VAC14: variants seen among roughly 807,000 people sequenced by gnomAD.
VAC14 encodes protein VAC14 homolog.
VAC14 carries 47 observed loss-of-function variants against 85.3 expected under a neutral mutation model. The observed-to-expected ratio is 0.55, with a 90% confidence interval of 0.44 to 0.70. VAC14 has a LOEUF of 0.70. Ranked by LOEUF, VAC14 falls within the 30% of genes least tolerant of loss-of-function variation. The pLI is 0.00. For synonymous variants in VAC14, 447 were observed against 430.5 expected (o/e 1.04, Z -0.47); for missense variants, 861 against 1,004.3 (o/e 0.86, Z 1.93).
At chr16:70,713,153 A>G (rs200516084) in intron 14 of VAC14, among the ~76,000 whole-genome samples, 2 of 152,244 alleles carry the variant, frequency 1.3e-5, no homozygotes, top group Non-Finnish European at 2.9e-5. Context: ...CAAGCACGAA[A>G]AAAAAGGCCT....
At position 70,688,612 on chromosome 16, in the gene VAC14, C is replaced by T. The variant is rs370537012; in HGVS notation, c.2187-522G>A. The T allele has an allele frequency of 8.1e-6, 8 of 985,496 alleles. No homozygotes were observed. The African/African-American group carries it at 1.0e-4, about 13-fold the overall frequency. The allele number at this position is 985,496 out of a possible 1,614,324, so 61.0% of individuals were successfully genotyped here. On this transcript the variant is annotated intron_variant, in intron 18 of 18. Coordinates refer to ENST00000261776, the MANE Select transcript of VAC14 (RefSeq NM_018052.5). ...GTTGGGGCCCCAAGGCCTGCAGTCA[C>T]TCACTGTCCCTGGGAGGAGGAATGC...
intron 12 of VAC14, among the ~76,000 whole-genome samples, chr16:70,745,772 C>T (rs2030832101): frequency 6.6e-6 from 1 of 152,192 alleles, no homozygotes; most frequent in Non-Finnish European, 1.5e-5. Flanking sequence ...GGGTGGTTGC[C>T]TGTGCCTCTT....
At position 70,724,756 on chromosome 16, in the gene VAC14, C is replaced by T. The variant is rs182385602; in HGVS notation, c.1661+6739G>A. Among the ~76,000 whole-genome samples the T allele has an allele frequency of 2.8e-4, 43 of 152,352 alleles. 1 individual carries two copies. In the East Asian group the frequency reaches 7.3e-3, roughly 26 times the overall value. ...CAGAAGATTCACACAAGGAGCTGGA[C>T]AGACAACTCAAGCCAGCAAGAAGAG... On this transcript the variant is annotated intron_variant, in intron 14 of 18. Transcript: ENST00000261776.
chr16:70,720,518 G>C (rs117585990), intron 14 of VAC14, among the ~76,000 whole-genome samples: 7 of 152,282 alleles, frequency 4.6e-5, no homozygotes, highest in African/African-American at 1.4e-4. Flanking sequence ...ACAGTGTCTC[G>C]GGCACGGTGG....
chr16:70,689,863 T>C (rs990533866), intron 18 of VAC14: 3 of 985,526 alleles, frequency 3.0e-6, no homozygotes, highest in Non-Finnish European at 2.4e-6. Flanking sequence ...AGAGAGCAGC[T>C]TGGACTTCTA....
rs912106842 is a variant in VAC14, at chr16:70,719,358, G to A, written c.1661+12137C>T. 6.5e-4 allele frequency among the ~76,000 whole-genome samples: 99 copies of A among 152,116 alleles called. 2 individuals carry two copies. Among genetic ancestry groups the A allele is most frequent in the Non-Finnish European group, 7.4e-5 (5 of 68,010 alleles). The stretch of plus-strand genomic sequence containing the variant: ...TCACAAAACAAAAAAAATGCTAACT[G>A]TAAAGAAAAATTGATTACCTGGACT... On this transcript the variant is annotated intron_variant, in intron 14 of 18. Transcript: ENST00000261776.
At position 70,785,796 on chromosome 16, in the gene VAC14, C is replaced by T. The variant is rs747220175; in HGVS notation, c.329G>A (p.Arg110His). The change falls in exon 3 of 19, where the codon CGC becomes CAC. Residue 110 changes from arginine to histidine, a missense_variant. Physicochemically the swap from Arg to His is conservative, Grantham distance 29. Transcript: ENST00000261776. ...TCFNDADSRL[R>H]YYACEALYNI... The stretch of plus-strand genomic sequence containing the variant: ...GTAGAGGGCCTCGCAGGCATAGTAG[C>T]GCAGCCTGCTGTCTGCATCATTGAA... 6.3e-5 allele frequency: 100 copies of T among 1,596,424 alleles called. No individual in the cohort carries two copies. The highest frequency in any genetic ancestry group is 7.9e-5 in the Non-Finnish European group (92 of 1,170,260).
chr16:70,800,343 T>C (rs2034725517), intron 1 of VAC14, among the ~76,000 whole-genome samples: 1 of 152,194 alleles, frequency 6.6e-6, no homozygotes, highest in Admixed American at 6.5e-5. Context: ...TTTTCCGACC[T>C]GATTTCTCTA....
In VAC14 at chr16:70,791,324, T is replaced by C. The variant is rs2034328751; in HGVS notation, c.105-4959A>G. Among the ~76,000 whole-genome samples the C allele has an allele frequency of 2.0e-5, 3 of 152,258 alleles. No individual in the cohort carries two copies. In the South Asian group the frequency reaches 6.2e-4, roughly 32 times the overall value. On this transcript the variant is annotated intron_variant, in intron 1 of 18. Transcript: ENST00000261776. ...CCCTCATTCTGTGCCCAGCAACATG[T>C]TGTCGAATGTCAGCAGGTAAATTCC...
intron 14 of VAC14, among the ~76,000 whole-genome samples, chr16:70,730,257 G>A (rs540209764): frequency 6.6e-6 from 1 of 151,838 alleles, no homozygotes; most frequent in African/African-American, 2.4e-5. Flanking sequence ...CAACCCATTC[G>A]CCCCAGCAAC....
In VAC14 at chr16:70,739,674, G is replaced by A. The variant is rs534988817; in HGVS notation, c.1528+4749C>T. Among the ~76,000 whole-genome samples the A allele has an allele frequency of 8.5e-5, 13 of 152,310 alleles. No individual in the cohort carries two copies. The East Asian group carries it at 1.2e-3, about 14-fold the overall frequency. On this transcript the variant is annotated intron_variant, in intron 13 of 18. Coordinates refer to ENST00000261776, the MANE Select transcript of VAC14 (RefSeq NM_018052.5). The stretch of plus-strand genomic sequence containing the variant: ...AGGGGCTCACCCAAAAAGCCAGCAC[G>A]CGTGAGTGCTCAGAGCAGGGCAGGG...
rs114139915 is a variant in VAC14 at position 70,773,088 on chromosome 16, T to C, written c.1097-916A>G. The C allele has an allele frequency of 3.3e-3, 504 of 152,296 alleles. 3 individuals are homozygous for C. Among genetic ancestry groups the C allele is most frequent in the African/African-American group, 0.011 (475 of 41,560 alleles). The allele number at this position is 152,296 out of a possible 1,614,324, so 9.4% of individuals were successfully genotyped here. On this transcript the variant is annotated intron_variant, in intron 9 of 18. Transcript: ENST00000261776. ...CTGGAGGAGACGGGGGAATAGGGTA[T>C]AATGGCTAATGGATTCTTTCAAGGG...
intron 13 of VAC14, among the ~76,000 whole-genome samples, chr16:70,742,803 T>C (rs1468592013): frequency 2.0e-5 from 3 of 152,258 alleles, no homozygotes; most frequent in Admixed American, 6.5e-5. Context: ...GGCGGGAGGC[T>C]GAGGCTGTAA....
chr16:70,694,724 G>A (rs1052457931), intron 17 of VAC14, among the ~76,000 whole-genome samples: 6 of 152,238 alleles, frequency 3.9e-5, no homozygotes, highest in African/African-American at 1.2e-4. Context: ...TGTATGTTGA[G>A]GTGCTGAGAG....
chr16:70,797,394 T>C (rs1342865257), intron 1 of VAC14, among the ~76,000 whole-genome samples: 1 of 152,184 alleles, frequency 6.6e-6, no homozygotes, highest in Non-Finnish European at 1.5e-5. Flanking sequence ...TAATTCCCCC[T>C]TGCTGTGTAA....
rs1265850462 is a variant in VAC14, at chr16:70,737,650, G to A, written c.1529-6023C>T. On this transcript the variant is annotated intron_variant, in intron 13 of 18. Transcript: ENST00000261776. ...CCACACAGAAACCCAGGCTGGCGGGGTGGGCGGCCGGGGAGCCAGCCCTGC... is the reference window on the plus strand; with the variant it reads ...CCACACAGAAACCCAGGCTGGCGGGATGGGCGGCCGGGGAGCCAGCCCTGC... Among the ~76,000 whole-genome samples the A allele has an allele frequency of 2.0e-5, 3 of 152,216 alleles. No individual in the cohort carries two copies. In the East Asian group the frequency reaches 5.8e-4, roughly 29 times the overall value.
chr16:70,762,985 C>A lies in VAC14; in HGVS notation c.1201G>T (p.Val401Leu). The A allele has an allele frequency of 5.0e-6, 8 of 1,614,172 alleles. No homozygotes were observed. The highest frequency in any genetic ancestry group is 6.8e-6 in the Non-Finnish European group (8 of 1,180,034). Residue 401 changes from valine to leucine, a missense_variant, in exon 11 of 19, where the codon GTG becomes TTG. By Grantham distance (32) the Val-to-Leu change is conservative. Coordinates refer to ENST00000261776, the MANE Select transcript of VAC14 (RefSeq NM_018052.5). The surrounding 1 kb of genome is among the most constrained non-coding windows in gnomAD (Gnocchi z 4.1). ...CTGAGGTGGCAGTTTAGGACCTGCA[C>A]GATCCCGTCGAGGTGAAGGGTCACT... ...APVTLHLDGI[V>L]QVLNCHLSDT...
intron 14 of VAC14, chr16:70,700,118 G>C (rs2053794750): frequency 6.6e-6 from 1 of 152,180 alleles, no homozygotes; most frequent in African/African-American, 2.4e-5. Flanking sequence ...AAATGCCCCT[G>C]AACGCCAGCC....
At chr16:70,782,966 C>T in intron 7 of VAC14, 67 bp downstream of exon 7, 1 of 1,419,820 alleles carries the variant, frequency 7.0e-7, no homozygotes, top group Non-Finnish European at 9.8e-7. Context: ...GTGAAAGGGG[C>T]TTCTGCAGAG....
Sources: gnomAD v4.1 joint callset for allele counts (sites outside exome capture counted in the v4.1 genomes callset) on GRCh38, gnomAD v4.1.1 for gene constraint, Gnocchi (gnomAD v3.1) non-coding constraint, MANE v1.5 for transcripts, NCBI Gene and HGNC (gene_info 2026-07-23, HGNC 2026-07-21) for gene names.